Variants in WWOX observed in about 807,000 individuals in gnomAD.
WWOX encodes WW domain-containing oxidoreductase.
WWOX carries 69 observed loss-of-function variants against 46.2 expected under a neutral mutation model. The observed-to-expected ratio is 1.49, with a 90% CI of 1.23 to 1.82. WWOX has a LOEUF of 1.82. WWOX is among the 40% of genes most tolerant of loss of function. The pLI is 0.00. For missense variants in WWOX, 919 were observed against 542.6 expected, an observed-to-expected ratio of 1.69 and a Z score of -6.89; for synonymous variants, 359 against 202.6, an observed-to-expected ratio of 1.77 and a Z score of -6.56.
At position 78,709,986 on chromosome 16, in the gene WWOX, C is replaced by T. The variant is rs531156144; in HGVS notation, c.1056+277234C>T. ...TCTCAGGTGTTCCACCCTCCTTGTC[C>T]TCCCAAAGTGTTGGGATTACAGGCG... On this transcript the variant is annotated intron_variant, in intron 8 of 8. Transcript: ENST00000566780. Among the ~76,000 whole-genome samples, 9 of 152,250 alleles carry T rather than the reference C, an allele frequency of 5.9e-5. No homozygotes were observed. In the South Asian group the frequency reaches 1.9e-3, roughly 32 times the overall value.
intron 8 of WWOX, among the ~76,000 whole-genome samples, chr16:78,753,342 A>G (rs569084526): frequency 1.3e-5 from 2 of 152,072 alleles, no homozygotes; most frequent in East Asian, 3.9e-4. Context: ...AAAGAAAGAA[A>G]GAACCTCTTA....
chr16:79,169,754 C>G (rs904491891), intron 8 of WWOX, among the ~76,000 whole-genome samples: 2 of 152,302 alleles, frequency 1.3e-5, no homozygotes, highest in South Asian at 4.1e-4. Context: ...CCCAACCTTG[C>G]CACAGCCTCC....
At chr16:78,515,951 A>G (rs1417059779) in intron 8 of WWOX, among the ~76,000 whole-genome samples, 5 of 152,022 alleles carry the variant, frequency 3.3e-5, no homozygotes, top group East Asian at 3.9e-4. Flanking sequence ...CTCTCAGTCA[A>G]TCAGTCAATC....
chr16:78,943,047 C>T (rs1167890170), intron 8 of WWOX, among the ~76,000 whole-genome samples: 1 of 152,162 alleles, frequency 6.6e-6, no homozygotes, highest in Admixed American at 6.5e-5. Context: ...CCTGCTTCTG[C>T]TTCCTGTTTT....
At chr16:78,860,362 C>G (rs2052687276) in intron 8 of WWOX, among the ~76,000 whole-genome samples, 2 of 152,200 alleles carry the variant, frequency 1.3e-5, no homozygotes, top group Admixed American at 6.5e-5. Flanking sequence ...GATATAACGT[C>G]TGTTCTGAGC....
At chr16:78,820,876 T>G (rs559733373) in intron 8 of WWOX, among the ~76,000 whole-genome samples, 7 of 152,166 alleles carry the variant, frequency 4.6e-5, no homozygotes, top group Non-Finnish European at 1.0e-4. Flanking sequence ...TTGATGTCCC[T>G]TGGCTTGGAA....
At chr16:78,761,575 C>G (rs2049795301) in intron 8 of WWOX, among the ~76,000 whole-genome samples, 1 of 151,924 alleles carries the variant, frequency 6.6e-6, no homozygotes, top group Admixed American at 6.6e-5. Flanking sequence ...AGCTCTTGAC[C>G]TCAGGACTCT....
At chr16:79,036,595 C>T (rs533876735) in intron 8 of WWOX, among the ~76,000 whole-genome samples, 4 of 152,196 alleles carry the variant, frequency 2.6e-5, no homozygotes, top group African/African-American at 7.2e-5. Context: ...GATGAATGAT[C>T]TGTCCTTCTA....
At chr16:78,497,951 A>G (rs9938201) in intron 8 of WWOX, among the ~76,000 whole-genome samples, 6 of 151,472 alleles carry the variant, frequency 4.0e-5, no homozygotes, top group African/African-American at 1.5e-4. Flanking sequence ...GCCTGTAATG[A>G]CAGCACTTTG....
chr16:78,287,232 G>T lies in WWOX; in HGVS notation c.517-99628G>T, dbSNP rs183644499. Among the ~76,000 whole-genome samples, 412 of 152,294 alleles carry T rather than the reference G, an allele frequency of 2.7e-3. 1 individual carries two copies. Among genetic ancestry groups the T allele is most frequent in the African/African-American group, 9.6e-3 (397 of 41,566 alleles). On this transcript the variant is annotated intron_variant, in intron 5 of 8. Coordinates refer to ENST00000566780, the MANE Select transcript of WWOX (RefSeq NM_016373.4). ...ATGCTTCCTATGGCATAACTTTTTT[G>T]TTGTTGTTGTTTTTTCTTTTCTTTG... is the stretch of plus-strand genomic sequence containing the variant.
chr16:78,659,477 T>G (rs2047162774), intron 8 of WWOX, among the ~76,000 whole-genome samples: 2 of 152,112 alleles, frequency 1.3e-5, no homozygotes, highest in African/African-American at 4.8e-5. Flanking sequence ...CAATCTAGTT[T>G]TAGCCCTCCA....
At chr16:79,190,437 T>C (rs1015350404) in intron 8 of WWOX, among the ~76,000 whole-genome samples, 1 of 152,138 alleles carries the variant, frequency 6.6e-6, no homozygotes, top group African/African-American at 2.4e-5. Context: ...CTTTGGAATA[T>C]TCGTAGGTCT....
At chr16:78,767,044 C>T (rs1567546019) in intron 8 of WWOX, among the ~76,000 whole-genome samples, 1 of 151,830 alleles carries the variant, frequency 6.6e-6, no homozygotes, top group South Asian at 2.1e-4. Flanking sequence ...AAATTTCTTT[C>T]TTTCTTCCTC....
At chr16:78,920,829 G>A (rs986952835) in intron 8 of WWOX, among the ~76,000 whole-genome samples, 2 of 152,220 alleles carry the variant, frequency 1.3e-5, no homozygotes, top group African/African-American at 2.4e-5. Context: ...GGCTTTGGCT[G>A]TTGTGAGGAA....
intron 8 of WWOX, among the ~76,000 whole-genome samples, chr16:78,814,916 C>T (rs1293108343): frequency 1.3e-5 from 2 of 152,170 alleles, no homozygotes; most frequent in Admixed American, 6.5e-5. Flanking sequence ...TTCCACCTGG[C>T]CTGGAAGCTG....
chr16:78,486,097 G>T (rs73576870), intron 8 of WWOX, among the ~76,000 whole-genome samples: 2,146 of 152,270 alleles, frequency 0.014, 25 homozygotes, highest in African/African-American at 0.022. Flanking sequence ...ATGTGAGGGG[G>T]TGTGTGGTGG....
At chr16:79,038,558 A>AT (rs1019422793) in intron 8 of WWOX, among the ~76,000 whole-genome samples, 5 of 151,858 alleles carry the variant, frequency 3.3e-5, no homozygotes, top group African/African-American at 4.8e-5. Context: ...TTAACTTTTT[A>AT]TTTTTTTTGA....
At chr16:78,921,652 T>A (rs1186234234) in intron 8 of WWOX, among the ~76,000 whole-genome samples, 1 of 151,982 alleles carries the variant, frequency 6.6e-6, no homozygotes, top group Non-Finnish European at 1.5e-5. Context: ...GTCATGGAGG[T>A]AAGAGAGGAA....
intron 8 of WWOX, among the ~76,000 whole-genome samples, chr16:78,751,987 G>C (rs918129653): frequency 7.0e-6 from 1 of 142,496 alleles, no homozygotes; most frequent in East Asian, 2.0e-4. Flanking sequence ...CTTCTAAAGA[G>C]AATTGGCATT....
Sources: allele counts gnomAD v4.1 joint callset (sites outside exome capture counted in the v4.1 genomes callset), GRCh38; gene constraint gnomAD v4.1.1; transcripts MANE v1.5; gene names NCBI Gene and HGNC (gene_info 2026-07-23, HGNC 2026-07-21).